The following PCDHA9 variants were observed in gnomAD, a reference collection of about 807,000 sequenced individuals.
The protein encoded by PCDHA9 is protocadherin alpha-9.
Under a neutral mutation model 62.0 loss-of-function variants are expected in PCDHA9, and 62 were observed. The ratio of observed to expected loss-of-function variants is 1.00; its 90% CI spans 0.81 to 1.23. The LOEUF (loss-of-function observed/expected upper bound fraction) is 1.23. Ranked by LOEUF, PCDHA9 falls within the 50% of genes most tolerant of loss-of-function variation. PCDHA9 has a pLI of 0.00. For missense variants in PCDHA9, 1,205 were observed against 1,249.8 expected, an observed-to-expected ratio of 0.96 and a Z score of 0.54; for synonymous variants, 557 against 567.6, an observed-to-expected ratio of 0.98 and a Z score of 0.27.
chr5:140,974,419 C>T (rs998974699), intron 1 of PCDHA9, among the ~76,000 whole-genome samples: 1 of 152,208 alleles, frequency 6.6e-6, no homozygotes, highest in African/African-American at 2.4e-5. Flanking sequence ...GTTTATTTTA[C>T]TTTCCTGGTT....
In PCDHA9 at chr5:140,849,837, G is replaced by A. The variant is rs2150452785; in HGVS notation, c.1342G>A (p.Val448Met). The A allele has an allele frequency of 9.4e-6, 15 of 1,598,674 alleles. 2 individuals are homozygous for A. The Admixed American group carries it at 2.0e-4, about 22-fold the overall frequency. Residue 448 changes from valine (V) to methionine (M), a missense_variant, in exon 1 of 4, where the codon GTG becomes ATG. Val to Met is a conservative substitution (Grantham distance 21). Around this residue, in one of 3 missense-constraint regions of PCDHA9, gnomAD observed 887 missense variants for 809.5 expected, o/e 1.10. Coordinates refer to ENST00000532602, the MANE Select transcript of PCDHA9 (RefSeq NM_031857.2). ...CAGGGTGTCTGTGGAGGTGGCCGAC[G>A]TGAACGACAACGCACCAGCGTTCGC... ...TARVSVEVAD[V>M]NDNAPAFAQS...
At position 140,850,145 on chromosome 5, in the gene PCDHA9, G is replaced by T; in HGVS notation, c.1650G>T (p.Thr550=). 1.3e-6 allele frequency: 2 copies of T among 1,595,560 alleles called. No homozygotes were observed. Among genetic ancestry groups the T allele is most frequent in the South Asian group, 1.1e-5 (1 of 90,486 alleles). Residue 550 remains threonine, a synonymous_variant, in exon 1 of 4, where the codon ACG becomes ACT. Coordinates refer to ENST00000532602, the MANE Select transcript of PCDHA9 (RefSeq NM_031857.2). ...TGCCGCCTCTGGGCAGCAACGTGAC[G>T]CTGCAGGTGTTCGTGCTGGACGAGA... The part of the protein sequence containing the change: ...AGVPPLGSNV[T]LQVFVLDEND...
chr5:140,851,631 T>C, intron 1 of PCDHA9: 1 of 919,266 alleles, frequency 1.1e-6, no homozygotes. Flanking sequence ...TTTAAACAAG[T>C]GTTTCCTTTC....
intron 3 of PCDHA9, among the ~76,000 whole-genome samples, chr5:140,992,190 A>C (rs1452489619): frequency 1.3e-5 from 2 of 152,134 alleles, no homozygotes; most frequent in African/African-American, 2.4e-5. Flanking sequence ...GCTTTCAGTG[A>C]TCTATCCAAT....
intron 3 of PCDHA9, 32 bp from the exon 4 acceptor site, chr5:141,009,595 C>T (rs781807814): frequency 6.2e-7 from 1 of 1,604,124 alleles, no homozygotes; most frequent in Admixed American, 1.7e-5. Context: ...TGTGTTGACC[C>T]TGTTAATGAT....
At chr5:140,926,804 C>T (rs1298226109) in intron 1 of PCDHA9, 4 of 1,455,652 alleles carry the variant, frequency 2.7e-6, no homozygotes, top group East Asian at 2.5e-5. Context: ...TGCTCTTCCC[C>T]GCGGCTCGTG....
At chr5:140,954,947 T>G (rs2153704420) in intron 1 of PCDHA9, among the ~76,000 whole-genome samples, 1 of 152,360 alleles carries the variant, frequency 6.6e-6, no homozygotes, top group South Asian at 2.1e-4. Flanking sequence ...AGTTAATTTT[T>G]GTATAAGATG....
At chr5:140,894,184 A>T (rs1411546476) in intron 1 of PCDHA9, among the ~76,000 whole-genome samples, 13 of 152,046 alleles carry the variant, frequency 8.6e-5, no homozygotes, top group African/African-American at 3.1e-4. Context: ...TTCCATAGTT[A>T]TATATTTTTT....
At chr5:141,009,529 T>G in intron 3 of PCDHA9, 98 bp from the exon 4 acceptor site, 1 of 1,505,630 alleles carries the variant, frequency 6.6e-7, no homozygotes, top group Non-Finnish European at 8.9e-7. Context: ...TCTGGGGAGG[T>G]TCAGCCTGCC....
At chr5:140,869,134 A>T (rs781973798) in intron 1 of PCDHA9, 3 of 1,612,182 alleles carry the variant, frequency 1.9e-6, no homozygotes, top group Non-Finnish European at 2.5e-6. Context: ...GGGATTGGGC[A>T]CCCCACGACT....
chr5:140,882,303 G>A, intron 1 of PCDHA9: 1 of 1,613,824 alleles, frequency 6.2e-7, no homozygotes. Context: ...CCAAGACCGC[G>A]GCAACTACTG....
Position 141,010,344 on chromosome 5 carries a change from G to C in PCDHA9, c.*407G>C. ...CAGCTTGGGAGTTTGTGGCCACTGG[G>C]TATGTGTGGCTACCGCGGGTATGCG... is the stretch of plus-strand genomic sequence containing the variant. On this transcript the variant is annotated 3_prime_UTR_variant, in exon 4 of 4. Transcript: ENST00000532602. 1 of 1,518,888 alleles carries C rather than the reference G, an allele frequency of 6.6e-7. No homozygotes were observed. Among genetic ancestry groups the C allele is most frequent in the Non-Finnish European group, 8.8e-7 (1 of 1,132,764 alleles). The allele number at this position is 1,518,888 out of a possible 1,614,324, so 94.1% of individuals were successfully genotyped here.
intron 1 of PCDHA9, among the ~76,000 whole-genome samples, chr5:140,972,550 A>G (rs534377572): frequency 6.6e-6 from 1 of 152,114 alleles, no homozygotes; most frequent in Admixed American, 6.5e-5. Context: ...TGCAGTGAGG[A>G]TTCTGAAGTA....
intron 3 of PCDHA9, among the ~76,000 whole-genome samples, chr5:140,991,200 A>C (rs2097437692): frequency 6.6e-6 from 1 of 152,234 alleles, no homozygotes; most frequent in Admixed American, 6.5e-5. Context: ...AATGATGCTC[A>C]ATAAATTTTG....
At chr5:141,000,421 AT>A (rs34755515) in intron 3 of PCDHA9, among the ~76,000 whole-genome samples, 491 of 27,806 alleles carry the variant, frequency 0.018, 4 homozygotes, top group South Asian at 0.021. Flanking sequence ...ATATATATAT[AT>A]TTTTTTTTTT....
At chr5:140,882,188 A>G (rs1446435577) in intron 1 of PCDHA9, 6 of 1,519,650 alleles carry the variant, frequency 3.9e-6, no homozygotes, top group African/African-American at 1.4e-5. Context: ...CTAGGAAGCC[A>G]TAAAAATTGG....
chr5:140,973,674 T>A (rs782774613), intron 1 of PCDHA9, among the ~76,000 whole-genome samples: 10 of 152,264 alleles, frequency 6.6e-5, no homozygotes, highest in Non-Finnish European at 1.3e-4. Flanking sequence ...GTAGCTTGAA[T>A]GTCATTGGCC....
intron 1 of PCDHA9, chr5:140,858,309 A>G (rs1276572732): frequency 7.5e-6 from 12 of 1,597,070 alleles, no homozygotes; most frequent in African/African-American, 1.3e-5. Context: ...CAGAGGCGGC[A>G]GAGGGTGTGT....
In PCDHA9 at chr5:140,904,903, A is replaced by G. The variant is rs568713418; in HGVS notation, c.2394+54014A>G. On this transcript the variant is annotated intron_variant, in intron 1 of 3. Transcript: ENST00000532602. ...CTTTTTGATGGGATTTGTTTTTCTT[A>G]CTGATTTGTTTGACTTCCTTGTAGG... 9.4e-4 allele frequency among the ~76,000 whole-genome samples: 142 copies of G among 151,862 alleles called. 2 individuals carry two copies. The highest frequency in any genetic ancestry group is 2.9e-3 in the African/African-American group (122 of 41,438).
Sources: gnomAD v4.1 joint callset for allele counts (sites outside exome capture counted in the v4.1 genomes callset) on GRCh38, gnomAD v4.1.1 for gene constraint, gnomAD v4.1.1 regional missense constraint, MANE v1.5 for transcripts, NCBI Gene and HGNC (gene_info 2026-07-23, HGNC 2026-07-21) for gene names.